The following NECTIN3 variants were observed in gnomAD, a reference collection of about 807,000 sequenced individuals.
NECTIN3 encodes nectin-3.
In NECTIN3, 8 loss-of-function variants were observed where a neutral mutation model predicts 49.4. That is an observed-to-expected ratio of 0.16 (90% confidence interval 0.10 to 0.29). The LOEUF (loss-of-function observed/expected upper bound fraction) is 0.29. Among genes scored for constraint, NECTIN3 ranks in the 10% least tolerant of loss-of-function variants. The probability of loss-of-function intolerance (pLI) is 1.00; values close to 1 mark genes in which losing one functional copy is unlikely to be tolerated. For missense variants in NECTIN3, 581 were observed against 654.6 expected (o/e 0.89, Z 1.23); for synonymous variants, 277 against 241.1 (o/e 1.15, Z -1.38).
chr3:111,080,383 G>A (rs1250951533), intron 1 of NECTIN3, among the ~76,000 whole-genome samples: 1 of 151,800 alleles, frequency 6.6e-6, no homozygotes, highest in African/African-American at 2.4e-5. Context: ...ATTTGTATTT[G>A]GCATGCCCCA....
chr3:111,137,271 A>T lies in NECTIN3; in HGVS notation c.*3056A>T. 2.1e-6 allele frequency: 2 copies of T among 953,620 alleles called. No homozygotes were observed. The highest frequency in any genetic ancestry group is 2.5e-6 in the Non-Finnish European group (2 of 801,160). 59.1% of individuals were successfully genotyped at this position (953,620 alleles called of 1,614,324 possible). On this transcript the variant is annotated 3_prime_UTR_variant, in exon 6 of 6. Coordinates refer to ENST00000485303, the MANE Select transcript of NECTIN3 (RefSeq NM_015480.3). ...AAATGGTACCCATTTTGAATTTTTAATTCTAATAGGAGAGTAGATTGTAGA... is the reference window on the plus strand; with the variant it reads ...AAATGGTACCCATTTTGAATTTTTATTTCTAATAGGAGAGTAGATTGTAGA...
chr3:111,161,572 T>G (rs2035213133), intron 7 of NECTIN3, among the ~76,000 whole-genome samples: 1 of 152,088 alleles, frequency 6.6e-6, no homozygotes, highest in Non-Finnish European at 1.5e-5. Flanking sequence ...AAGCTCCACC[T>G]CCTGTCAGAT....
intron 6 of NECTIN3, among the ~76,000 whole-genome samples, chr3:111,147,065 G>T (rs2034890877): frequency 6.6e-6 from 1 of 152,096 alleles, no homozygotes; most frequent in Non-Finnish European, 1.5e-5. Context: ...AGTGTATTGA[G>T]ACTCTAAAAT....
chr3:111,086,573 T>C (rs1373885312), intron 1 of NECTIN3, among the ~76,000 whole-genome samples: 1 of 152,192 alleles, frequency 6.6e-6, no homozygotes, highest in African/African-American at 2.4e-5. Context: ...TGCCTGGAGT[T>C]TTTTGGACTC....
rs908228727 is a variant in NECTIN3 at position 111,134,465 on chromosome 3, G to A, written c.*250G>A. The A allele has an allele frequency of 2.3e-5, 26 of 1,138,274 alleles. No individual in the cohort carries two copies. Among genetic ancestry groups the A allele is most frequent in the East Asian group, 1.4e-4 (3 of 21,358 alleles). 70.5% of individuals were successfully genotyped at this position (1,138,274 alleles called of 1,614,324 possible). The stretch of plus-strand genomic sequence containing the variant: ...AATTTTAATGCAGAGTACTTTATTG[G>A]TGTGAGGCACACAGGTAAGAAGAAA... On this transcript the variant is annotated 3_prime_UTR_variant, in exon 6 of 6. Coordinates refer to ENST00000485303, the MANE Select transcript of NECTIN3 (RefSeq NM_015480.3).
At chr3:111,138,430 T>G (rs187546073), downstream of NECTIN3, among the ~76,000 whole-genome samples, 428 of 151,468 alleles carry the variant, frequency 2.8e-3, 3 homozygotes, top group Non-Finnish European at 2.1e-3. Context: ...TATTTCTGGG[T>G]TTTTTTTCTG....
Position 111,091,013 on chromosome 3 carries a change from T to TC in NECTIN3, c.160+18836_160+18837insC, listed in dbSNP as rs1231514931. Among the ~76,000 whole-genome samples the TC allele has an allele frequency of 2.6e-5, 4 of 152,234 alleles. No individual in the cohort carries two copies. In the East Asian group the frequency reaches 7.7e-4, roughly 29 times the overall value. ...GCTTTATTGATATAATTCACATACT[T>TC]TACAGTTTACTGATTTAAAGTGTGT... On this transcript the variant is annotated intron_variant, in intron 1 of 5. Transcript: ENST00000485303.
intron 2 of NECTIN3, among the ~76,000 whole-genome samples, chr3:111,113,577 C>T (rs541355602): frequency 6.6e-6 from 1 of 152,174 alleles, no homozygotes; most frequent in Middle Eastern, 3.4e-3. Flanking sequence ...AGACACTGCC[C>T]TAAGAGCTAT....
At chr3:111,096,491 A>AT (rs2032589067) in intron 1 of NECTIN3, among the ~76,000 whole-genome samples, 1 of 152,220 alleles carries the variant, frequency 6.6e-6, no homozygotes, top group African/African-American at 2.4e-5. Context: ...GAGGAGCCAA[A>AT]TGTTAATCAT....
chr3:111,145,143 GATA>G, intron 6 of NECTIN3: 3 of 1,246,168 alleles, frequency 2.4e-6, no homozygotes, highest in Non-Finnish European at 3.3e-6. Flanking sequence ...TAGAAGTAAG[GATA>G]ATGTTAGGCC....
chr3:111,124,279 A>G (rs1473156460), intron 4 of NECTIN3, among the ~76,000 whole-genome samples: 2 of 152,066 alleles, frequency 1.3e-5, no homozygotes, highest in African/African-American at 4.8e-5. Flanking sequence ...TCTAATCCTA[A>G]ATTTCCTTGC....
At chr3:111,143,505 T>C (rs534342957) in intron 5 of NECTIN3, among the ~76,000 whole-genome samples, 21 of 151,970 alleles carry the variant, frequency 1.4e-4, no homozygotes, top group Non-Finnish European at 2.7e-4. Context: ...CAATCTAAAC[T>C]ATGTTACCCA....
chr3:111,107,168 C>T (rs1024895642), intron 1 of NECTIN3, among the ~76,000 whole-genome samples: 1 of 151,830 alleles, frequency 6.6e-6, no homozygotes, highest in African/African-American at 2.4e-5. Context: ...ATTACATTTT[C>T]TTTTCTGTCA....
At chr3:111,144,360 CA>C (rs1236800213) in intron 5 of NECTIN3, among the ~76,000 whole-genome samples, 3 of 151,838 alleles carry the variant, frequency 2.0e-5, no homozygotes, top group African/African-American at 7.2e-5. Context: ...AAATTTTGTG[CA>C]AGTCCTGTTT....
Position 111,089,077 on chromosome 3 carries a change from CA to C in NECTIN3, c.160+16907del, listed in dbSNP as rs1406106061. Among the ~76,000 whole-genome samples the C allele has an allele frequency of 4.6e-5, 7 of 151,946 alleles. No homozygotes were observed. The East Asian group carries it at 9.6e-4, about 21-fold the overall frequency. On this transcript the variant is annotated intron_variant, in intron 1 of 5. Coordinates refer to ENST00000485303, the MANE Select transcript of NECTIN3 (RefSeq NM_015480.3). ...AACTTCATGCTTTCAAATCTTTTGA[CA>C]AAAAAATTGTTCATAATATTTTCTT...
chr3:111,153,679 G>C (rs1172771710), intron 7 of NECTIN3, among the ~76,000 whole-genome samples: 1 of 151,990 alleles, frequency 6.6e-6, no homozygotes, highest in Non-Finnish European at 1.5e-5. Context: ...CAAAGCTGAT[G>C]CTACTTTGAT....
At chr3:111,168,323 A>C (rs2035361096) in intron 7 of NECTIN3, among the ~76,000 whole-genome samples, 1 of 152,190 alleles carries the variant, frequency 6.6e-6, no homozygotes, top group Non-Finnish European at 1.5e-5. Flanking sequence ...GAAGAAGCAG[A>C]AGATATTCCC....
Position 111,071,966 on chromosome 3 carries a change from G to A in NECTIN3, c.-52G>A, listed in dbSNP as rs2030763892. Reference sequence around the variant, plus strand: ...TCCGCCCAGAGCCTGAGGCGCCGGGGCCGGGGGAGCCGGGGGGCGGGCGGG... The same window carrying A: ...TCCGCCCAGAGCCTGAGGCGCCGGGACCGGGGGAGCCGGGGGGCGGGCGGG... On this transcript the variant is annotated 5_prime_UTR_variant, in exon 1 of 6. Coordinates refer to ENST00000485303, the MANE Select transcript of NECTIN3 (RefSeq NM_015480.3). The A allele has an allele frequency of 2.3e-6, 3 of 1,321,164 alleles. No homozygotes were observed. The highest frequency in any genetic ancestry group is 3.4e-5 in the South Asian group (2 of 58,924). 81.8% of individuals were successfully genotyped at this position (1,321,164 alleles called of 1,614,324 possible).
At chr3:111,137,669 T>A, downstream of NECTIN3, 1 of 209,148 alleles carries the variant, frequency 4.8e-6, no homozygotes, top group Non-Finnish European at 8.3e-6. Flanking sequence ...TATCAAAATG[T>A]AATTAATGAT....
Sources: allele counts gnomAD v4.1 joint callset (sites outside exome capture counted in the v4.1 genomes callset), GRCh38; gene constraint gnomAD v4.1.1; transcripts MANE v1.5; gene names NCBI Gene and HGNC (gene_info 2026-07-23, HGNC 2026-07-21).